Variants in TMIE observed in about 807,000 individuals in gnomAD.
The protein encoded by TMIE is transmembrane inner ear.
TMIE carries 14 observed loss-of-function variants against 16.8 expected under a neutral mutation model. The ratio of observed to expected loss-of-function variants is 0.83; its 90% confidence interval spans 0.55 to 1.30. The LOEUF is 1.30. Ranked by LOEUF, TMIE falls within the 50% of genes most tolerant of loss-of-function variation. TMIE has a pLI of 0.00. For synonymous variants in TMIE, 75 were observed against 87.2 expected (o/e 0.86, Z 0.78); for missense variants, 204 against 205.9 (o/e 0.99, Z 0.06).
chr3:46,700,224 G>C (rs1700453189), upstream of TMIE, among the ~76,000 whole-genome samples: 1 of 152,198 alleles, frequency 6.6e-6, no homozygotes, highest in Admixed American at 6.5e-5. Flanking sequence ...GGGTCTCCTG[G>C]GCTGCAGTCC....
At chr3:46,703,138 T>C (rs1195617979) in intron 1 of TMIE, among the ~76,000 whole-genome samples, 1 of 152,100 alleles carries the variant, frequency 6.6e-6, no homozygotes, top group Non-Finnish European at 1.5e-5. Context: ...CTGGGGGCCA[T>C]GTCACCACCC....
chr3:46,693,914 C>T (rs1700329055), upstream of TMIE, among the ~76,000 whole-genome samples: 1 of 152,048 alleles, frequency 6.6e-6, no homozygotes, highest in Non-Finnish European at 1.5e-5. Context: ...TGGGACCCGG[C>T]GCGGGGAGGA....
chr3:46,708,328 T>G (rs1700577142), intron 2 of TMIE, among the ~76,000 whole-genome samples: 1 of 152,224 alleles, frequency 6.6e-6, no homozygotes, highest in South Asian at 2.1e-4. Flanking sequence ...CCCAGGAGTC[T>G]GCCAGGAAGT....
upstream of TMIE, among the ~76,000 whole-genome samples, chr3:46,698,350 G>A (rs2106770870): frequency 6.6e-6 from 1 of 151,880 alleles, no homozygotes; most frequent in South Asian, 2.1e-4. Context: ...GGCCCTTGCT[G>A]AGTTTTTATA....
upstream of TMIE, chr3:46,701,237 T>G (rs1700468877): frequency 1.6e-4 from 49 of 308,376 alleles, no homozygotes; most frequent in Middle Eastern, 9.4e-4. This position sits in a 1 kb window ranked among gnomAD's most constrained non-coding sequence, Gnocchi z 4.3. Context: ...TCAGTGTCCC[T>G]GGGGATGCGG....
intron 1 of TMIE, among the ~76,000 whole-genome samples, chr3:46,703,538 A>G (rs1250470193): frequency 6.6e-6 from 1 of 152,096 alleles, no homozygotes. Flanking sequence ...CCAACCACAC[A>G]TGTGCCCAAC....
chr3:46,704,462 A>ACCCAGGGCAGGACCATGTCCCTAGACG (rs1700520398), intron 1 of TMIE, among the ~76,000 whole-genome samples: 3 of 118,288 alleles, frequency 2.5e-5, no homozygotes, highest in African/African-American at 3.5e-5. Flanking sequence ...TCCCCTAGAC[A>ACCCAGGGCAGGACCATGTCCCTAGACG]CCCAGGGCAG....
chr3:46,701,217 C>A, upstream of TMIE: 1 of 384,106 alleles, frequency 2.6e-6, no homozygotes, highest in Non-Finnish European at 4.7e-6. The surrounding 1 kb of genome is among the most constrained non-coding windows in gnomAD (Gnocchi z 4.3). Context: ...CCCTCCCGCC[C>A]ACCCCCACCT....
At position 46,705,822 on chromosome 3, in the gene TMIE, T is replaced by TC. The variant is rs1559496405; in HGVS notation, c.128dup (p.Leu44AlafsTer71). On this transcript the variant is annotated frameshift_variant, in exon 2 of 4. Transcript: ENST00000643606. LOFTEE classifies it high-confidence loss of function. ...CGGCCCCACCCAAGCCCAAGCCGCC[T>TC]CCGCTGACCAAGGAGACAGTGGTGT... is the stretch of plus-strand genomic sequence containing the variant. The TC allele has an allele frequency of 1.9e-6, 3 of 1,613,942 alleles. No homozygotes were observed. The South Asian group carries it at 3.3e-5, about 18-fold the overall frequency.
chr3:46,705,910 G>A lies in TMIE; in HGVS notation c.211+3G>A, dbSNP rs397517865. On this transcript the variant is annotated splice_donor_region_variant and intron_variant, in intron 2 of 3. Coordinates refer to ENST00000643606, the MANE Select transcript of TMIE (RefSeq NM_147196.3). ...TTCGCTCTTCGTGTTGTCCATCAGT[G>A]AGTAGCTGTTCCCTTCCCTCTCCAC... 3.1e-6 allele frequency: 5 copies of A among 1,613,678 alleles called. No homozygotes were observed. The highest frequency in any genetic ancestry group is 2.7e-5 in the African/African-American group (2 of 75,048).
At chr3:46,702,713 C>G (rs932577873) in intron 1 of TMIE, among the ~76,000 whole-genome samples, 1 of 152,058 alleles carries the variant, frequency 6.6e-6, no homozygotes, top group Non-Finnish European at 1.5e-5. Flanking sequence ...GGGACACAGC[C>G]CTGAACTGGA....
At chr3:46,709,550 T>A in intron 3 of TMIE, 29 bp from the exon 4 acceptor site, 2 of 1,612,978 alleles carry the variant, frequency 1.2e-6, no homozygotes, top group Non-Finnish European at 8.5e-7. Flanking sequence ...CTCACCACTA[T>A]CACATGGTCT....
intron 1 of TMIE, among the ~76,000 whole-genome samples, chr3:46,695,477 A>T (rs1344266261): frequency 6.6e-6 from 1 of 152,140 alleles, no homozygotes; most frequent in Admixed American, 6.5e-5. Context: ...GGGCTCCTTC[A>T]GGGATGAGCA....
chr3:46,695,140 T>C (rs1336471751), intron 1 of TMIE, among the ~76,000 whole-genome samples: 3 of 152,170 alleles, frequency 2.0e-5, no homozygotes, highest in African/African-American at 7.2e-5. Context: ...TGCGGGACTG[T>C]CTGCTGGGGC....
At chr3:46,700,030 T>C (rs1346910435), upstream of TMIE, among the ~76,000 whole-genome samples, 1 of 152,252 alleles carries the variant, frequency 6.6e-6, no homozygotes, top group Non-Finnish European at 1.5e-5. Context: ...CTGGTCAGTG[T>C]GGCTTTCCCT....
chr3:46,699,385 A>G (rs1360636707), upstream of TMIE, among the ~76,000 whole-genome samples: 1 of 152,268 alleles, frequency 6.6e-6, no homozygotes, highest in East Asian at 1.9e-4. Flanking sequence ...GGTGTTTCTC[A>G]TACATTTGTA....
chr3:46,695,579 C>A (rs905753686), intron 1 of TMIE, among the ~76,000 whole-genome samples: 3 of 152,140 alleles, frequency 2.0e-5, no homozygotes, highest in African/African-American at 7.2e-5. Flanking sequence ...TGGAGAGTGG[C>A]CATGGCCTCA....
chr3:46,709,950 T>C lies in TMIE; in HGVS notation c.*262T>C. On this transcript the variant is annotated 3_prime_UTR_variant, in exon 4 of 4. Coordinates refer to ENST00000643606, the MANE Select transcript of TMIE (RefSeq NM_147196.3). ...CGGCAGAGGTGGTCTGGTGCCACCG[T>C]CCCTCTGCAGATACACTGCTCTCCC... 1 of 550,172 alleles carries C rather than the reference T, an allele frequency of 1.8e-6. No homozygotes were observed. The highest frequency in any genetic ancestry group is 3.0e-6 in the Non-Finnish European group (1 of 329,898). The allele number at this position is 550,172 out of a possible 1,614,324, so 34.1% of individuals were successfully genotyped here.
At position 46,709,723 on chromosome 3, in the gene TMIE, G is replaced by C; in HGVS notation, c.*35G>C. 6.2e-7 allele frequency: 1 copy of C among 1,613,316 alleles called. No individual in the cohort carries two copies. Among genetic ancestry groups the C allele is most frequent in the Non-Finnish European group, 8.5e-7 (1 of 1,179,778 alleles). ...GGGCAGCTTGGGCTGGCGGGCCCTG[G>C]AGCTCAAGCCGTGGCCGGGGTCCAG... On this transcript the variant is annotated 3_prime_UTR_variant, in exon 4 of 4. Coordinates refer to ENST00000643606, the MANE Select transcript of TMIE (RefSeq NM_147196.3).
Sources: allele counts gnomAD v4.1 joint callset (sites outside exome capture counted in the v4.1 genomes callset), GRCh38; gene constraint gnomAD v4.1.1; non-coding constraint Gnocchi (gnomAD v3.1); transcripts MANE v1.5; gene names NCBI Gene and HGNC (gene_info 2026-07-23, HGNC 2026-07-21).